Variants in SPRED2 observed in about 807,000 individuals in gnomAD.
SPRED2 encodes the protein sprouty-related, EVH1 domain-containing protein 2.
In SPRED2, 47 loss-of-function variants were observed where a neutral mutation model predicts 43.0. The ratio of observed to expected loss-of-function variants is 1.09; its 90% CI spans 0.87 to 1.40. The LOEUF is 1.40. Ranked by LOEUF, SPRED2 falls within the 40% of genes most tolerant of loss-of-function variation. The pLI, the probability that SPRED2 is intolerant of heterozygous loss-of-function variation, is 0.00. For synonymous variants in SPRED2, 225 were observed against 225.7 expected, an observed-to-expected ratio of 1.00 and a Z score of 0.03; for missense variants, 561 against 586.4, an observed-to-expected ratio of 0.96 and a Z score of 0.45.
chr2:65,346,218 C>A (rs1331050456), intron 1 of SPRED2, among the ~76,000 whole-genome samples: 1 of 152,086 alleles, frequency 6.6e-6, no homozygotes, highest in African/African-American at 2.4e-5. Flanking sequence ...TTTTCTATGA[C>A]CCCCTATGGC....
In SPRED2 at chr2:65,432,082, CG is replaced by C; in HGVS notation, c.-96del. 2 of 1,529,152 alleles carry C rather than the reference CG, an allele frequency of 1.3e-6. No homozygotes were observed. Among genetic ancestry groups the C allele is most frequent in the South Asian group, 2.3e-5 (2 of 87,972 alleles). The allele number at this position is 1,529,152 out of a possible 1,614,324, so 94.7% of individuals were successfully genotyped here. On this transcript the variant is annotated 5_prime_UTR_variant, in exon 1 of 6. Transcript: ENST00000356388. ...CCCCCTTCTTCACATCTCCGGAGATCGCCTGATTTGGGGAGGGGGGGCGGCT... is the reference window on the plus strand; with the variant it reads ...CCCCCTTCTTCACATCTCCGGAGATCCCTGATTTGGGGAGGGGGGGCGGCT...
rs150129145 is a variant in SPRED2 at position 65,396,042 on chromosome 2, T to C, written c.26+35920A>G. On this transcript the variant is annotated intron_variant, in intron 1 of 5. Coordinates refer to ENST00000356388, the MANE Select transcript of SPRED2 (RefSeq NM_181784.3). ...GGTTCAAATCTCCACTCTAACCACT[T>C]ATGAGCCTTCTCGGGCAAGTTATTT... is the stretch of plus-strand genomic sequence containing the variant. Among the ~76,000 whole-genome samples the C allele has an allele frequency of 2.1e-4, 32 of 152,322 alleles. 1 individual carries two copies. The East Asian group carries it at 6.2e-3, about 29-fold the overall frequency.
At chr2:65,346,061 C>A (rs1477470460) in intron 1 of SPRED2, among the ~76,000 whole-genome samples, 1 of 152,148 alleles carries the variant, frequency 6.6e-6, no homozygotes, top group East Asian at 1.9e-4. Context: ...TAACAAAGAA[C>A]CCCCATTATT....
intron 1 of SPRED2, among the ~76,000 whole-genome samples, chr2:65,357,816 G>A (rs1311842392): frequency 3.3e-5 from 5 of 152,222 alleles, no homozygotes; most frequent in South Asian, 2.1e-4. Flanking sequence ...GTCAGGACAG[G>A]TGACCTAACC....
chr2:65,316,210 G>C (rs892956379), intron 5 of SPRED2, among the ~76,000 whole-genome samples: 1 of 152,190 alleles, frequency 6.6e-6, no homozygotes, highest in Non-Finnish European at 1.5e-5. Flanking sequence ...TTGAACTACC[G>C]AATTCTGAGC....
At chr2:65,411,857 G>A (rs374579686) in intron 1 of SPRED2, among the ~76,000 whole-genome samples, 11 of 152,190 alleles carry the variant, frequency 7.2e-5, no homozygotes, top group African/African-American at 1.9e-4. Flanking sequence ...GACCAGGCGC[G>A]GTGGCTCACG....
intron 1 of SPRED2, among the ~76,000 whole-genome samples, chr2:65,417,052 C>T (rs1409665081): frequency 6.6e-6 from 1 of 152,116 alleles, no homozygotes; most frequent in Non-Finnish European, 1.5e-5. Context: ...TCTAAGTGCA[C>T]AGAGTTCTCA....
At chr2:65,336,033 T>A (rs1280191225) in intron 2 of SPRED2, among the ~76,000 whole-genome samples, 1 of 152,154 alleles carries the variant, frequency 6.6e-6, no homozygotes, top group African/African-American at 2.4e-5. Context: ...TATCTTTAAA[T>A]AAGTATAAAT....
At chr2:65,345,743 T>G (rs1421148410) in intron 1 of SPRED2, among the ~76,000 whole-genome samples, 1 of 152,234 alleles carries the variant, frequency 6.6e-6, no homozygotes, top group East Asian at 1.9e-4. Context: ...TCAATTCCAA[T>G]AACCCTTTAC....
chr2:65,407,214 A>G (rs918514065), intron 1 of SPRED2, among the ~76,000 whole-genome samples: 4 of 141,684 alleles, frequency 2.8e-5, no homozygotes, highest in Non-Finnish European at 6.1e-5. Context: ...GGTGTGAGCC[A>G]TAGTCTCTTT....
At chr2:65,377,533 C>T (rs991327081) in intron 1 of SPRED2, 7 of 469,194 alleles carry the variant, frequency 1.5e-5, no homozygotes, top group African/African-American at 6.0e-5. Context: ...TAACAGTGTT[C>T]GGTCTCATAG....
chr2:65,390,029 C>T (rs1489834817), intron 1 of SPRED2, among the ~76,000 whole-genome samples: 1 of 152,188 alleles, frequency 6.6e-6, no homozygotes, highest in Non-Finnish European at 1.5e-5. Flanking sequence ...CACCCTGATA[C>T]ACATCACCCC....
In SPRED2 at chr2:65,334,585, T is replaced by G; in HGVS notation, c.373+20A>C. The G allele has an allele frequency of 6.2e-7, 1 of 1,611,048 alleles. No homozygotes were observed. Among genetic ancestry groups the G allele is most frequent in the Non-Finnish European group, 8.5e-7 (1 of 1,177,860 alleles). ...AACATTTCCATAGTCCCACTAAGAA[T>G]GCAGCGACAAGTTCAATACCTTCTA... On this transcript the variant is annotated intron_variant, in intron 3 of 5. Coordinates refer to ENST00000356388, the MANE Select transcript of SPRED2 (RefSeq NM_181784.3).
chr2:65,369,225 T>C (rs1376480179), intron 1 of SPRED2, among the ~76,000 whole-genome samples: 1 of 152,146 alleles, frequency 6.6e-6, no homozygotes, highest in Non-Finnish European at 1.5e-5. Flanking sequence ...TCAAAGGATA[T>C]TCCTTATAAA....
chr2:65,338,775 G>T (rs1674064929), intron 2 of SPRED2, among the ~76,000 whole-genome samples: 1 of 151,536 alleles, frequency 6.6e-6, no homozygotes, highest in Non-Finnish European at 1.5e-5. Flanking sequence ...TGGGATGTGA[G>T]GAGCCCCTCT....
chr2:65,315,004 C>A (rs1463678114), intron 5 of SPRED2, among the ~76,000 whole-genome samples: 1 of 152,224 alleles, frequency 6.6e-6, no homozygotes, highest in Middle Eastern at 3.2e-3. Flanking sequence ...GCTGCATTCT[C>A]CCTCAGGGTG....
intron 1 of SPRED2, among the ~76,000 whole-genome samples, chr2:65,397,346 T>A (rs1387523088): frequency 6.6e-6 from 1 of 152,092 alleles, no homozygotes; most frequent in Non-Finnish European, 1.5e-5. Context: ...ACCGCCCCCA[T>A]CCTGAACAAA....
At position 65,377,437 on chromosome 2, in the gene SPRED2, C is replaced by T. The variant is rs1051255499; in HGVS notation, c.27-32541G>A. Among the ~76,000 whole-genome samples, 4 of 152,334 alleles carry T rather than the reference C, an allele frequency of 2.6e-5. No homozygotes were observed. The South Asian group carries it at 6.2e-4, about 24-fold the overall frequency. ...TGATACAGTTTGATTATTTAGGCTG[C>T]CCATTCTCCATCCTTATCCTCCTCT... On this transcript the variant is annotated intron_variant, in intron 1 of 5. Transcript: ENST00000356388.
intron 1 of SPRED2, among the ~76,000 whole-genome samples, chr2:65,389,980 C>A (rs1035671598): frequency 6.6e-6 from 1 of 152,148 alleles, no homozygotes; most frequent in African/African-American, 2.4e-5. Flanking sequence ...AAACAATGTG[C>A]AAGTGTGAGG....
Sources: gnomAD v4.1 joint callset for allele counts (sites outside exome capture counted in the v4.1 genomes callset) on GRCh38, gnomAD v4.1.1 for gene constraint, MANE v1.5 for transcripts, NCBI Gene and HGNC (gene_info 2026-07-23, HGNC 2026-07-21) for gene names.